MYLK4: variants seen among roughly 807,000 people sequenced by gnomAD.
The protein encoded by MYLK4 is myosin light chain kinase family member 4.
A neutral mutation model predicts 48.1 loss-of-function variants in MYLK4; 46 were observed. The observed-to-expected ratio is 0.96, with a 90% CI of 0.75 to 1.22. MYLK4 has a LOEUF of 1.22. Ranked by LOEUF, MYLK4 falls within the 50% of genes most tolerant of loss-of-function variation. The pLI is 0.00. For synonymous variants in MYLK4, 170 were observed against 180.8 expected, an observed-to-expected ratio of 0.94 and a Z score of 0.48; for missense variants, 451 against 486.1, an observed-to-expected ratio of 0.93 and a Z score of 0.68.
the MYLK4 span, chr6:2,766,460 G>A: frequency 6.6e-7 from 1 of 1,504,106 alleles, no homozygotes; most frequent in Non-Finnish European, 9.0e-7. Flanking sequence ...TGCGGCCTTG[G>A]CCGTTGGGCT....
In MYLK4 at chr6:2,722,026, G is replaced by A. The variant is rs75105609; in HGVS notation, c.159+27110C>T. ...ACAGGGAGTAAAATAAGAAAGGAAC[G>A]CAAAAGATATCTAACAGAGGTGATG... On this transcript the variant is annotated intron_variant, in intron 2 of 12. Transcript: ENST00000274643. Among the ~76,000 whole-genome samples the A allele has an allele frequency of 1.1e-3, 161 of 152,286 alleles. 1 individual carries two copies. The highest frequency in any genetic ancestry group is 1.9e-3 in the Non-Finnish European group (127 of 68,026).
At chr6:2,733,406 A>G (rs746140951) in intron 2 of MYLK4, among the ~76,000 whole-genome samples, 3 of 152,202 alleles carry the variant, frequency 2.0e-5, no homozygotes, top group Non-Finnish European at 4.4e-5. Context: ...AGACCAGCAG[A>G]CCTCAGAAAC....
At chr6:2,766,527 C>G in the MYLK4 span, 1 of 1,416,904 alleles carries the variant, frequency 7.1e-7, no homozygotes, top group South Asian at 1.5e-5. Context: ...GGTGTGCTGC[C>G]CTCGAAAGAA....
At chr6:2,709,835 T>A (rs1180218755) in intron 2 of MYLK4, among the ~76,000 whole-genome samples, 1 of 152,046 alleles carries the variant, frequency 6.6e-6, no homozygotes, top group East Asian at 1.9e-4. Context: ...ACTTTAAGAG[T>A]AGGTGTTGGG....
chr6:2,765,994 CG>C, the MYLK4 span: 1 of 1,383,140 alleles, frequency 7.2e-7, no homozygotes, highest in Non-Finnish European at 9.4e-7. Context: ...GCCTTATCCC[CG>C]ACTTCCCGGT....
At chr6:2,675,195 A>C in intron 10 of MYLK4, 70 bp from the exon 11 acceptor site, 127 of 1,142,396 alleles carry the variant, frequency 1.1e-4, no homozygotes, top group Middle Eastern at 2.2e-4. Flanking sequence ...GTTCAATCTC[A>C]ACTCCAGCTT....
Position 2,744,166 on chromosome 6 carries a change from G to C in MYLK4, c.159+4970C>G, listed in dbSNP as rs185783741. 1.8e-4 allele frequency: 73 copies of C among 397,004 alleles called. No homozygotes were observed. In the East Asian group the frequency reaches 2.5e-3, roughly 13 times the overall value. 24.6% of individuals were successfully genotyped at this position (397,004 alleles called of 1,614,324 possible). On this transcript the variant is annotated intron_variant, in intron 2 of 12. Transcript: ENST00000274643. ...GAGTGGGTGTCACCGAATTACAGAGGGTTCTTGCAGAGTCCTGCACTGGAC... is the reference window on the plus strand; with the variant it reads ...GAGTGGGTGTCACCGAATTACAGAGCGTTCTTGCAGAGTCCTGCACTGGAC...
intron 2 of MYLK4, among the ~76,000 whole-genome samples, chr6:2,695,513 A>G (rs528351715): frequency 6.6e-6 from 1 of 152,372 alleles, no homozygotes; most frequent in East Asian, 1.9e-4. Flanking sequence ...ATTGAGGAAT[A>G]TAAGAAGCCA....
the MYLK4 span, among the ~76,000 whole-genome samples, chr6:2,761,545 C>G: frequency 6.6e-5 from 10 of 152,138 alleles, no homozygotes; most frequent in Non-Finnish European, 1.3e-4. Context: ...ACTACAGGAC[C>G]TACTGGGTGC....
chr6:2,700,978 A>G (rs527346161), intron 2 of MYLK4, among the ~76,000 whole-genome samples: 2 of 152,318 alleles, frequency 1.3e-5, no homozygotes, highest in Non-Finnish European at 2.9e-5. Context: ...ATAGCACCTG[A>G]GCACTTCAAA....
the MYLK4 span, among the ~76,000 whole-genome samples, chr6:2,767,418 C>A: frequency 6.6e-6 from 1 of 152,180 alleles, no homozygotes; most frequent in African/African-American, 2.4e-5. Context: ...TATGATTTTT[C>A]TCCTATTTTT....
chr6:2,695,306 G>A (rs1561846763), intron 2 of MYLK4, among the ~76,000 whole-genome samples: 1 of 152,198 alleles, frequency 6.6e-6, no homozygotes, highest in African/African-American at 2.4e-5. Context: ...ATTTAATAAT[G>A]AAAACTGGTA....
rs1314920219 is a variant in MYLK4, at chr6:2,692,933, T to TG, written c.160-75dup. 57 of 1,324,602 alleles carry TG rather than the reference T, an allele frequency of 4.3e-5. No individual in the cohort carries two copies. The Admixed American group carries it at 1.1e-3, about 26-fold the overall frequency. 82.1% of individuals were successfully genotyped at this position (1,324,602 alleles called of 1,614,324 possible). A position where few individuals can be genotyped will look rare whatever the true frequency, so the allele number is the denominator to read the frequency against. On this transcript the variant is annotated intron_variant, in intron 2 of 12. Transcript: ENST00000274643. The stretch of plus-strand genomic sequence containing the variant: ...TTTCAACCTCAGCACTCCTGACACT[T>TG]GCGCTGGATGATTCCGTGTGGTGGG...
chr6:2,766,141 TGGCGACGGGGAC>T, the MYLK4 span: 5 of 1,241,282 alleles, frequency 4.0e-6, no homozygotes, highest in South Asian at 8.9e-5. Context: ...GCGACGGCGA[TGGCGACGGGGAC>T]GCGGACGCGG....
At chr6:2,737,500 G>A (rs9503289) in intron 2 of MYLK4, among the ~76,000 whole-genome samples, 40,874 of 152,120 alleles carry the variant, frequency 0.27, 5,871 homozygotes, top group African/African-American at 0.38. Flanking sequence ...CATCCTTAGA[G>A]GACAGTTGGG....
the MYLK4 span, chr6:2,765,615 C>T: frequency 2.0e-6 from 3 of 1,511,918 alleles, no homozygotes; most frequent in Non-Finnish European, 2.6e-6. Context: ...GGGAGGGCGG[C>T]GGCCGCCATG....
At position 2,694,694 on chromosome 6, in the gene MYLK4, A is replaced by G. The variant is rs148201969; in HGVS notation, c.160-1835T>C. On this transcript the variant is annotated intron_variant, in intron 2 of 12. Transcript: ENST00000274643. The stretch of plus-strand genomic sequence containing the variant: ...TGGTGACAGCTACCATGTATTGTGC[A>G]CACACATTATGTACCACTCTTCTAA... Among the ~76,000 whole-genome samples, 133 of 130,658 alleles carry G rather than the reference A, an allele frequency of 1.0e-3. 1 individual carries two copies. In the East Asian group the frequency reaches 0.014, roughly 14 times the overall value. The allele number at this position is 130,658 out of a possible 152,430, so 85.7% of individuals were successfully genotyped here.
the MYLK4 span, among the ~76,000 whole-genome samples, chr6:2,769,322 G>A: frequency 6.6e-6 from 1 of 152,026 alleles, no homozygotes; most frequent in Non-Finnish European, 1.5e-5. Context: ...GTGAATGTTG[G>A]AAGAGCTAAT....
intron 2 of MYLK4, among the ~76,000 whole-genome samples, chr6:2,734,005 G>A (rs1470235184): frequency 1.3e-5 from 2 of 152,186 alleles, no homozygotes; most frequent in East Asian, 3.9e-4. Flanking sequence ...TCTAACGTGA[G>A]TGCCAAAGCC....
Sources: gnomAD v4.1 joint callset for allele counts (sites outside exome capture counted in the v4.1 genomes callset) on GRCh38, gnomAD v4.1.1 for gene constraint, MANE v1.5 for transcripts, NCBI Gene and HGNC (gene_info 2026-07-23, HGNC 2026-07-21) for gene names.